RAB33B: variants seen among roughly 807,000 people sequenced by gnomAD.
The protein encoded by RAB33B is ras-related protein Rab-33B.
A neutral mutation model predicts 15.0 loss-of-function variants in RAB33B; 6 were observed. The observed-to-expected ratio is 0.40, with a 90% CI of 0.22 to 0.79. RAB33B has a LOEUF of 0.79. RAB33B is among the 30% of genes least tolerant of loss of function. The pLI is 0.37. For missense variants in RAB33B, 257 were observed against 296.4 expected (o/e 0.87, Z 0.98); for synonymous variants, 117 against 108.3 (o/e 1.08, Z -0.50).
intron 1 of RAB33B, among the ~76,000 whole-genome samples, chr4:139,466,961 C>CTTTT (rs35504904): frequency 0.018 from 1,242 of 68,506 alleles, 72 homozygotes; most frequent in Middle Eastern, 0.052. Context: ...GAAGCACAAA[C>CTTTT]TTTTTTTTTT....
chr4:139,442,795 A>G, the RAB33B span, among the ~76,000 whole-genome samples: 1 of 152,080 alleles, frequency 6.6e-6, no homozygotes, highest in African/African-American at 2.4e-5. Flanking sequence ...ATAAATATAT[A>G]TATCTATTCC....
At chr4:139,446,594 G>A in the RAB33B span, among the ~76,000 whole-genome samples, 1 of 152,212 alleles carries the variant, frequency 6.6e-6, no homozygotes, top group African/African-American at 2.4e-5. Context: ...CAAAAACTGT[G>A]AAGATATTTG....
chr4:139,451,435 T>C (rs1749921570), upstream of RAB33B: 1 of 149,098 alleles, frequency 6.7e-6, no homozygotes, highest in Non-Finnish European at 1.5e-5. Flanking sequence ...AGTGCAGTTT[T>C]GCGATTTCAG....
upstream of RAB33B, chr4:139,453,650 C>T (rs1057373044): frequency 6.6e-6 from 1 of 152,226 alleles, no homozygotes; most frequent in Non-Finnish European, 1.5e-5. Flanking sequence ...ATGCCGGAAC[C>T]GACCCGACGC....
At chr4:139,459,752 G>A (rs1032239161) in intron 1 of RAB33B, among the ~76,000 whole-genome samples, 25 of 151,840 alleles carry the variant, frequency 1.6e-4, no homozygotes, top group African/African-American at 6.0e-4. Flanking sequence ...TCCTGCCTCA[G>A]CGTCCCAAGT....
In RAB33B at chr4:139,472,924, C is replaced by T; in HGVS notation, c.488C>T (p.Ala163Val). Residue 163 changes from alanine to valine, a missense_variant, in exon 2 of 2, where the codon GCA becomes GTA. Ala to Val is a moderately conservative substitution (Grantham distance 64). Transcript: ENST00000305626. ...RSAIQVPTDL[A>V]QKFADTHSMP... ...GCCATACAGGTACCCACAGACTTGG[C>T]ACAAAAATTTGCTGACACACACAGT... 6.2e-7 allele frequency: 1 copy of T among 1,614,128 alleles called. No individual in the cohort carries two copies. The highest frequency in any genetic ancestry group is 8.5e-7 in the Non-Finnish European group (1 of 1,180,032).
At chr4:139,448,185 T>C in the RAB33B span, among the ~76,000 whole-genome samples, 1 of 152,146 alleles carries the variant, frequency 6.6e-6, no homozygotes, top group Non-Finnish European at 1.5e-5. Context: ...CAGAAAGGAC[T>C]ACAAATGGTC....
At chr4:139,463,785 G>T (rs1005213109) in intron 1 of RAB33B, among the ~76,000 whole-genome samples, 3 of 152,108 alleles carry the variant, frequency 2.0e-5, no homozygotes, top group Non-Finnish European at 4.4e-5. Context: ...GTATTGGCTG[G>T]GTCTCTCACT....
chr4:139,456,772 T>C (rs1750077887), intron 1 of RAB33B, among the ~76,000 whole-genome samples: 1 of 152,248 alleles, frequency 6.6e-6, no homozygotes, highest in African/African-American at 2.4e-5. Context: ...GAGGTTTCTA[T>C]AGTAGGAAAA....
At chr4:139,446,858 G>A in the RAB33B span, among the ~76,000 whole-genome samples, 1 of 152,332 alleles carries the variant, frequency 6.6e-6, no homozygotes, top group Admixed American at 6.5e-5. Flanking sequence ...GCCAGCAGCA[G>A]AGACCAACAC....
At chr4:139,468,909 T>C (rs550827296) in intron 1 of RAB33B, among the ~76,000 whole-genome samples, 7 of 152,232 alleles carry the variant, frequency 4.6e-5, no homozygotes, top group African/African-American at 9.6e-5. Context: ...AAGGTTTCCA[T>C]TGAAACATCT....
upstream of RAB33B, chr4:139,448,627 AG>A (rs1316595038): frequency 5.9e-5 from 9 of 152,144 alleles, no homozygotes; most frequent in African/African-American, 2.2e-4. Flanking sequence ...TATGTTGGCC[AG>A]GCTGGTCCTG....
rs189565723 is a variant in RAB33B at position 139,475,234 on chromosome 4, T to A, written c.*2108T>A. ...TATGATGGGTGTAACAACATTTTTTTAAAGAAGGGAATCTGTTTATCGCTT... is the reference window on the plus strand; with the variant it reads ...TATGATGGGTGTAACAACATTTTTTAAAAGAAGGGAATCTGTTTATCGCTT... On this transcript the variant is annotated 3_prime_UTR_variant, in exon 2 of 2. Coordinates refer to ENST00000305626, the MANE Select transcript of RAB33B (RefSeq NM_031296.3). The A allele has an allele frequency of 4.6e-5, 7 of 152,192 alleles. No homozygotes were observed. Among genetic ancestry groups the A allele is most frequent in the Non-Finnish European group, 8.8e-5 (6 of 67,924 alleles). The allele number at this position is 152,192 out of a possible 1,614,324, so 9.4% of individuals were successfully genotyped here.
intron 1 of RAB33B, among the ~76,000 whole-genome samples, chr4:139,468,290 C>T (rs1750328651): frequency 6.6e-6 from 1 of 152,132 alleles, no homozygotes. Flanking sequence ...GAAATACCTG[C>T]CCCCATAATT....
chr4:139,465,536 G>A (rs1212456658), intron 1 of RAB33B, among the ~76,000 whole-genome samples: 1 of 152,116 alleles, frequency 6.6e-6, no homozygotes, highest in Admixed American at 6.6e-5. Context: ...TAACATTTAA[G>A]TCTTTAATCC....
chr4:139,454,182 G>T lies in RAB33B; in HGVS notation c.-14G>T. 5.0e-6 allele frequency: 8 copies of T among 1,602,688 alleles called. No homozygotes were observed. The highest frequency in any genetic ancestry group is 6.8e-6 in the Non-Finnish European group (8 of 1,173,218). ...TCTCCTTTCCTCCGCCTCAGTTTGG[G>T]GCGGGTCGGGGGAATGGCTGAGGAG... On this transcript the variant is annotated 5_prime_UTR_variant, in exon 1 of 2. Coordinates refer to ENST00000305626, the MANE Select transcript of RAB33B (RefSeq NM_031296.3).
In RAB33B at chr4:139,470,315, C is replaced by T. The variant is rs78667912; in HGVS notation, c.250-2371C>T. Among the ~76,000 whole-genome samples the T allele has an allele frequency of 7.0e-3, 1,072 of 152,300 alleles. 7 individuals are homozygous for T. Among genetic ancestry groups the T allele is most frequent in the East Asian group, 0.029 (152 of 5,172 alleles). ...CCCATTTCCAAAGACAGAGGAGCTT[C>T]CCACTTGTAGCCATTGCCACTCCAG... On this transcript the variant is annotated intron_variant, in intron 1 of 1. Transcript: ENST00000305626.
At chr4:139,447,946 T>C in the RAB33B span, among the ~76,000 whole-genome samples, 117,857 of 151,754 alleles carry the variant, frequency 0.78, 46,178 homozygotes, top group Admixed American at 0.85. Flanking sequence ...GGATTACAGG[T>C]GTGAGCCACC....
At chr4:139,440,994 G>A in the RAB33B span, among the ~76,000 whole-genome samples, 9 of 152,122 alleles carry the variant, frequency 5.9e-5, no homozygotes, top group East Asian at 5.8e-4. Context: ...GCTGGGCTCC[G>A]CTGGGCAATT....
Sources: gnomAD v4.1 joint callset for allele counts (sites outside exome capture counted in the v4.1 genomes callset) on GRCh38, gnomAD v4.1.1 for gene constraint, MANE v1.5 for transcripts, NCBI Gene and HGNC (gene_info 2026-07-23, HGNC 2026-07-21) for gene names.